KAZN: variants seen among roughly 807,000 people sequenced by gnomAD.
The protein encoded by KAZN is kazrin.
KAZN carries 40 observed loss-of-function variants against 87.4 expected under a neutral mutation model. The observed-to-expected ratio is 0.46, with a 90% CI of 0.36 to 0.60. KAZN has a LOEUF of 0.60. Among genes scored for constraint, KAZN ranks in the 20% least tolerant of loss-of-function variants. The pLI, the probability that KAZN is intolerant of heterozygous loss-of-function variation, is 0.00. For missense variants in KAZN, 898 were observed against 1,073.9 expected, an observed-to-expected ratio of 0.84 and a Z score of 2.29; for synonymous variants, 466 against 458.3, an observed-to-expected ratio of 1.02 and a Z score of -0.22.
intron 2 of KAZN, among the ~76,000 whole-genome samples, chr1:14,999,517 T>TCCCCCCCCCCCC (rs1557701638): frequency 1.2e-5 from 1 of 80,992 alleles, no homozygotes; most frequent in African/African-American, 4.9e-5. Flanking sequence ...CGCCCCGCCA[T>TCCCCCCCCCCCC]CCAGACCTTG....
At chr1:14,015,773 A>G (rs936953304) in intron 1 of KAZN, among the ~76,000 whole-genome samples, 2 of 151,532 alleles carry the variant, frequency 1.3e-5, no homozygotes, top group African/African-American at 4.8e-5. Flanking sequence ...ACTTTTATGC[A>G]ATCCTGGGAG....
At chr1:14,334,314 G>A (rs1280117130) in intron 2 of KAZN, among the ~76,000 whole-genome samples, 4 of 130,880 alleles carry the variant, frequency 3.1e-5, no homozygotes, top group Middle Eastern at 5.3e-3. Flanking sequence ...GCAGTGAGCC[G>A]AGATTGCACC....
chr1:14,293,882 A>G (rs2100755594), intron 2 of KAZN, among the ~76,000 whole-genome samples: 1 of 152,282 alleles, frequency 6.6e-6, no homozygotes, highest in Middle Eastern at 3.4e-3. Flanking sequence ...GGCTGAAGAT[A>G]GCAAGTCCAT....
chr1:14,780,187 G>A (rs1383242378), intron 1 of KAZN, among the ~76,000 whole-genome samples: 2 of 152,192 alleles, frequency 1.3e-5, no homozygotes, highest in African/African-American at 2.4e-5. Context: ...TGTTGCCTCT[G>A]CCTCAAAGCC....
chr1:14,413,848 G>A (rs1179377205), intron 2 of KAZN, among the ~76,000 whole-genome samples: 1 of 152,162 alleles, frequency 6.6e-6, no homozygotes, highest in African/African-American at 2.4e-5. Context: ...CCACAATTCA[G>A]TGAGAACATG....
intron 1 of KAZN, among the ~76,000 whole-genome samples, chr1:14,169,766 C>A (rs1645912708): frequency 6.6e-6 from 1 of 152,124 alleles, no homozygotes; most frequent in Non-Finnish European, 1.5e-5. Context: ...GTTTTGAGTA[C>A]TTCAGTTATA....
chr1:14,869,895 C>G (rs751167675), intron 1 of KAZN, among the ~76,000 whole-genome samples: 2 of 152,210 alleles, frequency 1.3e-5, no homozygotes, highest in Admixed American at 6.5e-5. Context: ...TGGGTTGTAC[C>G]GGTCTCCTGC....
chr1:14,858,966 G>C (rs930172120), intron 1 of KAZN, among the ~76,000 whole-genome samples: 2 of 152,114 alleles, frequency 1.3e-5, no homozygotes, highest in Non-Finnish European at 2.9e-5. Flanking sequence ...CAGCACTTTG[G>C]GAGGCCGAGG....
chr1:13,981,987 G>C (rs578084895), intron 1 of KAZN, among the ~76,000 whole-genome samples: 55 of 152,298 alleles, frequency 3.6e-4, no homozygotes, highest in Admixed American at 1.0e-3. Context: ...ACACAGAGAT[G>C]GGGGGCTGTC....
In KAZN at chr1:13,931,679, TCA is replaced by T. The variant is rs1491215063; in HGVS notation, c.91+37924_91+37925del. 5.5e-4 allele frequency among the ~76,000 whole-genome samples: 61 copies of T among 111,068 alleles called. No individual in the cohort carries two copies. In the South Asian group the frequency reaches 0.016, roughly 30 times the overall value. The allele number at this position is 111,068 out of a possible 152,430, so 72.9% of individuals were successfully genotyped here. ...AAAACATGGCCAGTCCCAATGATTG[TCA>T]TGTGTGTGTGTGTATTTGGCCCCTA... On this transcript the variant is annotated intron_variant, in intron 1 of 16. Transcript: ENST00000636203.
At chr1:14,975,687 C>T (rs61772169) in intron 2 of KAZN, among the ~76,000 whole-genome samples, 40,938 of 151,940 alleles carry the variant, frequency 0.27, 5,628 homozygotes, top group South Asian at 0.39. Flanking sequence ...CCATTTTGCA[C>T]ATGAAAAGAT....
At chr1:14,962,479 C>A (rs1327440485) in intron 2 of KAZN, among the ~76,000 whole-genome samples, 1 of 152,194 alleles carries the variant, frequency 6.6e-6, no homozygotes, top group Non-Finnish European at 1.5e-5. Flanking sequence ...AGCCACCCGG[C>A]AGTCTAGGCA....
In KAZN at chr1:14,763,026, GC is replaced by G. The variant is rs1442950660; in HGVS notation, c.226+163804del. On this transcript the variant is annotated intron_variant, in intron 1 of 14. Transcript: ENST00000376030. Reference sequence around the variant, plus strand: ...ACATTCATAACTTGGCAGTCTGTGAGCTTTCAAAGGACTTTCTCCTCATCCT... The same window carrying G: ...ACATTCATAACTTGGCAGTCTGTGAGTTTCAAAGGACTTTCTCCTCATCCT... Among the ~76,000 whole-genome samples the G allele has an allele frequency of 2.6e-5, 4 of 152,252 alleles. No individual in the cohort carries two copies. The South Asian group carries it at 8.3e-4, about 32-fold the overall frequency.
intron 2 of KAZN, among the ~76,000 whole-genome samples, chr1:15,005,616 T>C (rs1338441416): frequency 6.6e-6 from 1 of 151,936 alleles, no homozygotes; most frequent in African/African-American, 2.4e-5. Context: ...CAAAACCCCA[T>C]CTCTACTAAA....
intron 1 of KAZN, among the ~76,000 whole-genome samples, chr1:14,142,643 G>A (rs1299462292): frequency 6.6e-6 from 1 of 152,206 alleles, no homozygotes; most frequent in Non-Finnish European, 1.5e-5. Flanking sequence ...AGCATTGGCT[G>A]TTAGCTCTTT....
At chr1:14,918,207 T>C (rs189783388) in intron 1 of KAZN, among the ~76,000 whole-genome samples, 69 of 152,186 alleles carry the variant, frequency 4.5e-4, no homozygotes, top group Middle Eastern at 3.4e-3. Context: ...ATGAACAGAA[T>C]AGGGAGAACA....
chr1:14,429,850 G>A (rs1437632395), intron 2 of KAZN, among the ~76,000 whole-genome samples: 1 of 152,158 alleles, frequency 6.6e-6, no homozygotes, highest in Non-Finnish European at 1.5e-5. Context: ...GACTTCCCAA[G>A]TTCTTACAAT....
chr1:14,840,621 T>C (rs1304699443), intron 1 of KAZN, among the ~76,000 whole-genome samples: 1 of 152,232 alleles, frequency 6.6e-6, no homozygotes, highest in Non-Finnish European at 1.5e-5. Flanking sequence ...CATTTGGCGA[T>C]AAGCTGCCCT....
At chr1:14,738,382 C>G (rs1479957370) in intron 1 of KAZN, among the ~76,000 whole-genome samples, 1 of 151,984 alleles carries the variant, frequency 6.6e-6, no homozygotes, top group South Asian at 2.1e-4. Flanking sequence ...CACAGCAGTG[C>G]CCTGAACCCT....
Sources: gnomAD v4.1 joint callset for allele counts (sites outside exome capture counted in the v4.1 genomes callset) on GRCh38, gnomAD v4.1.1 for gene constraint, MANE v1.5 for transcripts, NCBI Gene and HGNC (gene_info 2026-07-23, HGNC 2026-07-21) for gene names.